BAZ1B: variants seen among roughly 807,000 people sequenced by gnomAD.
The protein encoded by BAZ1B is tyrosine-protein kinase BAZ1B.
Under a neutral mutation model 153.8 loss-of-function variants are expected in BAZ1B, and 22 were observed. The ratio of observed to expected loss-of-function variants is 0.14; its 90% CI spans 0.10 to 0.20. BAZ1B has a LOEUF of 0.20. BAZ1B is among the 10% of genes least tolerant of loss of function. The pLI is 1.00. For missense variants in BAZ1B, 1,325 were observed against 1,799.3 expected (o/e 0.74, Z 4.77); for synonymous variants, 676 against 633.4 (o/e 1.07, Z -1.01).
intron 8 of BAZ1B, among the ~76,000 whole-genome samples, chr7:73,469,870 T>C (rs1198199309): frequency 6.6e-6 from 1 of 152,192 alleles, no homozygotes; most frequent in African/African-American, 2.4e-5. Flanking sequence ...GTAATTTGTA[T>C]AATTTCTTTC....
intron 5 of BAZ1B, among the ~76,000 whole-genome samples, chr7:73,492,172 T>G (rs898539169): frequency 6.6e-6 from 1 of 151,250 alleles, no homozygotes; most frequent in Non-Finnish European, 1.5e-5. Flanking sequence ...TTTTTTTGTT[T>G]TGTTTTTTGA....
At chr7:73,488,025 A>T (rs1276331130) in intron 6 of BAZ1B, among the ~76,000 whole-genome samples, 1 of 152,180 alleles carries the variant, frequency 6.6e-6, no homozygotes, top group Non-Finnish European at 1.5e-5. Context: ...TAATTGAACA[A>T]ATTTAGTTGT....
chr7:73,516,354 TGA>T (rs1262440944), intron 1 of BAZ1B, among the ~76,000 whole-genome samples: 1 of 152,010 alleles, frequency 6.6e-6, no homozygotes, highest in Non-Finnish European at 1.5e-5. Context: ...TTTTTTAATA[TGA>T]GAGTACTACA....
intron 3 of BAZ1B, among the ~76,000 whole-genome samples, chr7:73,507,902 T>C (rs980211852): frequency 2.0e-5 from 3 of 152,142 alleles, no homozygotes; most frequent in Non-Finnish European, 4.4e-5. Context: ...TTAGTCCTTA[T>C]AATAATTGAT....
intron 9 of BAZ1B, among the ~76,000 whole-genome samples, chr7:73,468,306 G>GT (rs1788670142): frequency 6.6e-6 from 1 of 151,996 alleles, no homozygotes; most frequent in Non-Finnish European, 1.5e-5. Flanking sequence ...GACATACTTG[G>GT]TTTTCACTGC....
At chr7:73,468,126 A>G (rs1429551570) in intron 9 of BAZ1B, among the ~76,000 whole-genome samples, 1 of 152,218 alleles carries the variant, frequency 6.6e-6, no homozygotes, top group Non-Finnish European at 1.5e-5. Flanking sequence ...ATAACCTAGT[A>G]CTCAGGAAGC....
At chr7:73,442,136 T>TTGCCC in intron 19 of BAZ1B, 45 bp downstream of exon 19, 2 of 573,492 alleles carry the variant, frequency 3.5e-6, no homozygotes, top group Non-Finnish European at 3.2e-6. Context: ...CTCGCTCGCC[T>TTGCCC]CCCTCCCACC....
At chr7:73,466,429 C>G (rs1451823282) in intron 9 of BAZ1B, 28 bp from the exon 10 acceptor site, 1 of 1,521,684 alleles carries the variant, frequency 6.6e-7, no homozygotes, top group Non-Finnish European at 9.1e-7. Context: ...ATTAGGTTGA[C>G]TTTAGTAAAT....
chr7:73,516,842 T>G (rs1554579398), intron 1 of BAZ1B, among the ~76,000 whole-genome samples: 1 of 150,356 alleles, frequency 6.7e-6, no homozygotes, highest in Non-Finnish European at 1.5e-5. Flanking sequence ...AACGGCTATT[T>G]TAAGTTTGTG....
At chr7:73,470,875 C>T (rs1222539498) in intron 7 of BAZ1B, among the ~76,000 whole-genome samples, 2 of 152,172 alleles carry the variant, frequency 1.3e-5, no homozygotes, top group African/African-American at 4.8e-5. Context: ...CGCTGGACTA[C>T]AGGCACACAC....
In BAZ1B at chr7:73,447,389, G is replaced by T. The variant is rs1787878230; in HGVS notation, c.3729-10C>A. The T allele has an allele frequency of 6.2e-7, 1 of 1,603,926 alleles. No individual in the cohort carries two copies. Among genetic ancestry groups the T allele is most frequent in the Non-Finnish European group, 8.5e-7 (1 of 1,175,262 alleles). On this transcript the variant is annotated splice_polypyrimidine_tract_variant and intron_variant, in intron 15 of 19. Transcript: ENST00000339594. The stretch of plus-strand genomic sequence containing the variant: ...CTCTTCAGTATAGTTCCTGTGGGTA[G>T]AAAAAATAATGTAGGGAACACAGTT...
intron 15 of BAZ1B, among the ~76,000 whole-genome samples, chr7:73,448,005 C>T (rs1467994505): frequency 6.6e-6 from 1 of 152,130 alleles, no homozygotes; most frequent in Non-Finnish European, 1.5e-5. Context: ...ACAGCTCTGC[C>T]CCTTAGAAGG....
chr7:73,487,440 A>G (rs994773363), intron 6 of BAZ1B, among the ~76,000 whole-genome samples: 7 of 152,202 alleles, frequency 4.6e-5, no homozygotes, highest in South Asian at 2.1e-4. Flanking sequence ...AAAGTAAGAA[A>G]TAAGTGTGGA....
chr7:73,481,474 G>T (rs979846571), intron 6 of BAZ1B, among the ~76,000 whole-genome samples: 1 of 144,482 alleles, frequency 6.9e-6, no homozygotes, highest in Non-Finnish European at 1.5e-5. Flanking sequence ...CCGAGATGGC[G>T]CCACTGCACT....
chr7:73,511,140 C>T (rs908957797), intron 1 of BAZ1B, among the ~76,000 whole-genome samples: 2 of 151,804 alleles, frequency 1.3e-5, no homozygotes, highest in Non-Finnish European at 2.9e-5. Flanking sequence ...TGGTTGTGGG[C>T]GCCTGTAGTC....
intron 13 of BAZ1B, among the ~76,000 whole-genome samples, chr7:73,452,848 T>C (rs373117678): frequency 1.1e-4 from 17 of 151,992 alleles, no homozygotes; most frequent in African/African-American, 3.4e-4. Flanking sequence ...TATTGGGACA[T>C]AGCCCCATCC....
intron 3 of BAZ1B, among the ~76,000 whole-genome samples, chr7:73,508,099 T>C (rs539071400): frequency 2.0e-5 from 3 of 152,220 alleles, no homozygotes; most frequent in East Asian, 3.9e-4. Context: ...GAGGTTGCAG[T>C]GAGCCAAGAT....
In BAZ1B at chr7:73,522,269, C is replaced by G. The variant is rs1410018728; in HGVS notation, c.-336G>C. 7 of 374,296 alleles carry G rather than the reference C, an allele frequency of 1.9e-5. No homozygotes were observed. The highest frequency in any genetic ancestry group is 2.8e-5 in the Non-Finnish European group (6 of 210,634). 23.2% of individuals were successfully genotyped at this position (374,296 alleles called of 1,614,324 possible). ...AAATGGCGGGAGATTCCCCTCCTCC[C>G]CCGGGCCCGGCCAACGCACACACTA... On this transcript the variant is annotated 5_prime_UTR_variant, in exon 1 of 20. Transcript: ENST00000339594.
intron 1 of BAZ1B, among the ~76,000 whole-genome samples, chr7:73,511,053 C>T (rs1057138657): frequency 6.6e-6 from 1 of 152,140 alleles, no homozygotes; most frequent in East Asian, 1.9e-4. Flanking sequence ...GGGCGGATCA[C>T]GAGGTCAGAT....
Sources: allele counts gnomAD v4.1 joint callset (sites outside exome capture counted in the v4.1 genomes callset), GRCh38; gene constraint gnomAD v4.1.1; transcripts MANE v1.5; gene names NCBI Gene and HGNC (gene_info 2026-07-23, HGNC 2026-07-21).